The following RAB7A variants were observed in gnomAD, a reference collection of about 807,000 sequenced individuals.
The protein encoded by RAB7A is ras-related protein Rab-7a.
Under a neutral mutation model 24.5 loss-of-function variants are expected in RAB7A, and 2 were observed. The ratio of observed to expected loss-of-function variants is 0.08; its 90% CI spans 0.03 to 0.26. RAB7A has a LOEUF of 0.26. RAB7A is among the 10% of genes least tolerant of loss of function. The pLI, the probability that RAB7A is intolerant of heterozygous loss-of-function variation, is 1.00. For synonymous variants in RAB7A, 100 were observed against 95.9 expected (o/e 1.04, Z -0.25); for missense variants, 118 against 255.7 (o/e 0.46, Z 3.67).
At chr3:128,762,196 G>C (rs373470997) in intron 1 of RAB7A, among the ~76,000 whole-genome samples, 1 of 152,196 alleles carries the variant, frequency 6.6e-6, no homozygotes. Context: ...TGTGCTGGCA[G>C]TGTTGAACTA....
At chr3:128,774,078 TAAAAAA>T (rs146037243) in intron 1 of RAB7A, among the ~76,000 whole-genome samples, 1 of 111,090 alleles carries the variant, frequency 9.0e-6, no homozygotes, top group Non-Finnish European at 1.8e-5. Context: ...AATGATCAAT[TAAAAAA>T]AAAAAAAAAA....
intron 1 of RAB7A, chr3:128,749,262 T>C (rs1185295948): frequency 6.6e-6 from 1 of 152,260 alleles, no homozygotes; most frequent in Non-Finnish European, 1.5e-5. Flanking sequence ...AAATATAATG[T>C]TTCTGTTGTC....
At chr3:128,759,023 A>T (rs1246503799) in intron 1 of RAB7A, among the ~76,000 whole-genome samples, 1 of 149,976 alleles carries the variant, frequency 6.7e-6, no homozygotes, top group African/African-American at 2.5e-5. Flanking sequence ...GTGATCTTCA[A>T]CTTACAGCCC....
intron 1 of RAB7A, among the ~76,000 whole-genome samples, chr3:128,746,396 T>G (rs1397955117): frequency 6.6e-6 from 1 of 152,154 alleles, no homozygotes; most frequent in African/African-American, 2.4e-5. Context: ...CCTCAGCCTC[T>G]CAATGAGCTG....
intron 1 of RAB7A, among the ~76,000 whole-genome samples, chr3:128,734,349 C>T (rs746837866): frequency 4.0e-5 from 6 of 150,020 alleles, no homozygotes; most frequent in Non-Finnish European, 7.4e-5. Flanking sequence ...GACAATCGCT[C>T]GAACCTGGGA....
In RAB7A at chr3:128,807,529, GCTT is replaced by G. The variant is rs970098374; in HGVS notation, c.400-7_400-5del. The stretch of plus-strand genomic sequence containing the variant: ...TCTGTCATGAGCCTATGTGCACCCT[GCTT>G]CTTCTTTCAGGTGGCCACAAAGCGG... On this transcript the variant is annotated splice_polypyrimidine_tract_variant and intron_variant, in intron 4 of 5. Coordinates refer to ENST00000265062, the MANE Select transcript of RAB7A (RefSeq NM_004637.6). 12 of 1,613,724 alleles carry G rather than the reference GCTT, an allele frequency of 7.4e-6. No homozygotes were observed. Among genetic ancestry groups the G allele is most frequent in the Non-Finnish European group, 1.0e-5 (12 of 1,179,992 alleles).
At chr3:128,728,389 A>G (rs2107579894) in intron 1 of RAB7A, among the ~76,000 whole-genome samples, 2 of 152,330 alleles carry the variant, frequency 1.3e-5, no homozygotes, top group Middle Eastern at 3.4e-3. Context: ...TACAGTTTCT[A>G]ATTAATCACA....
At chr3:128,795,552 G>A (rs1933548115) in intron 2 of RAB7A, 132 bp downstream of exon 2, 3 of 829,360 alleles carry the variant, frequency 3.6e-6, no homozygotes, top group East Asian at 2.5e-5. Flanking sequence ...TTCCCTCCAC[G>A]GCAGAAATTT....
intron 1 of RAB7A, among the ~76,000 whole-genome samples, chr3:128,773,848 A>C (rs1273661476): frequency 6.6e-6 from 1 of 152,056 alleles, no homozygotes; most frequent in African/African-American, 2.4e-5. Context: ...AGGGCGGTGC[A>C]AGATGTGCTT....
At chr3:128,788,676 G>T (rs1439692669) in intron 1 of RAB7A, among the ~76,000 whole-genome samples, 1 of 152,136 alleles carries the variant, frequency 6.6e-6, no homozygotes, top group Admixed American at 6.5e-5. Flanking sequence ...CAAGAATTCA[G>T]ACTTTCGAAT....
At chr3:128,727,858 GT>G (rs1301980910) in intron 1 of RAB7A, among the ~76,000 whole-genome samples, 6 of 152,156 alleles carry the variant, frequency 3.9e-5, no homozygotes, top group African/African-American at 1.4e-4. Context: ...TCAGATTTGA[GT>G]TTAAGGACTG....
At chr3:128,776,546 A>G (rs79343764) in intron 1 of RAB7A, among the ~76,000 whole-genome samples, 5,911 of 152,080 alleles carry the variant, frequency 0.039, 212 homozygotes, top group South Asian at 0.13. Context: ...TGGCCTCCCA[A>G]AGTTGCAGGA....
intron 1 of RAB7A, among the ~76,000 whole-genome samples, chr3:128,789,554 A>G (rs781716928): frequency 2.6e-5 from 4 of 151,750 alleles, no homozygotes; most frequent in African/African-American, 4.8e-5. Context: ...GCTGGTCTCG[A>G]ACTCTTGACC....
At chr3:128,771,622 G>A (rs569087873) in intron 1 of RAB7A, among the ~76,000 whole-genome samples, 2 of 152,278 alleles carry the variant, frequency 1.3e-5, no homozygotes, top group African/African-American at 4.8e-5. Flanking sequence ...ACAGATTTAG[G>A]GATTTAGTAG....
chr3:128,779,595 G>T (rs533608680), intron 1 of RAB7A, among the ~76,000 whole-genome samples: 3 of 147,418 alleles, frequency 2.0e-5, no homozygotes, highest in Admixed American at 6.7e-5. Context: ...GGGGTGGGGT[G>T]GGGGGGTGGT....
At chr3:128,790,470 C>T (rs1367437161) in intron 1 of RAB7A, among the ~76,000 whole-genome samples, 2 of 152,180 alleles carry the variant, frequency 1.3e-5, no homozygotes, top group Non-Finnish European at 2.9e-5. Context: ...CATCTGTAAT[C>T]CCACCACATG....
intron 1 of RAB7A, among the ~76,000 whole-genome samples, chr3:128,752,450 C>T (rs1559783372): frequency 6.6e-6 from 1 of 150,920 alleles, no homozygotes; most frequent in Non-Finnish European, 1.5e-5. Context: ...AAAAAAATGA[C>T]AAAAAGAAAA....
At chr3:128,739,467 C>A (rs182284191) in intron 1 of RAB7A, among the ~76,000 whole-genome samples, 3 of 150,308 alleles carry the variant, frequency 2.0e-5, no homozygotes, top group Admixed American at 2.0e-4. Flanking sequence ...GAGCCAAGAT[C>A]GCGCCACTGC....
chr3:128,730,051 T>C (rs1035302387), intron 1 of RAB7A, among the ~76,000 whole-genome samples: 5 of 152,246 alleles, frequency 3.3e-5, no homozygotes, highest in African/African-American at 9.6e-5. Context: ...TCCTTTGTGT[T>C]ACCACATGCT....
Sources: allele counts gnomAD v4.1 joint callset (sites outside exome capture counted in the v4.1 genomes callset), GRCh38; gene constraint gnomAD v4.1.1; transcripts MANE v1.5; gene names NCBI Gene and HGNC (gene_info 2026-07-23, HGNC 2026-07-21).